The following ZC4H2 variants were observed in gnomAD, a reference collection of about 807,000 sequenced individuals.
The protein encoded by ZC4H2 is zinc finger C4H2-type containing, also known as zinc finger C4H2 domain-containing protein.
For synonymous variants in ZC4H2, 84 were observed against 66.3 expected (o/e 1.27, Z -1.30); for missense variants, 137 against 173.9 (o/e 0.79, Z 1.19).
At chrX:64,932,718 C>T (rs183803207) in intron 1 of ZC4H2, among the ~76,000 whole-genome samples, 1 of 111,670 alleles carries the variant, frequency 9.0e-6, no homozygotes, top group East Asian at 2.8e-4. Flanking sequence ...AAAGCTTCTG[C>T]TGAGAAATCT....
intron 1 of ZC4H2, among the ~76,000 whole-genome samples, chrX:65,006,627 G>A (rs189525827): frequency 1.9e-4 from 21 of 110,856 alleles, no homozygotes; most frequent in African/African-American, 5.9e-4. Flanking sequence ...GTTAATGGGT[G>A]CAGCACACCA....
chrX:64,999,155 C>T (rs1932483800), intron 1 of ZC4H2, among the ~76,000 whole-genome samples: 1 of 106,014 alleles, frequency 9.4e-6, no homozygotes, highest in Admixed American at 1.0e-4. Context: ...GGCAAGATGG[C>T]CGAGCAGGAA....
chrX:64,944,330 A>G (rs780995220), intron 1 of ZC4H2, among the ~76,000 whole-genome samples: 1 of 107,962 alleles, frequency 9.3e-6, no homozygotes, highest in Admixed American at 1.0e-4. Context: ...TTTTTAGTAG[A>G]GACGGGGTTT....
intron 3 of ZC4H2, 188 bp from the exon 4 acceptor site, chrX:64,919,392 CT>C: frequency 2.2e-6 from 1 of 446,228 alleles, no homozygotes; most frequent in Non-Finnish European, 3.7e-6. Flanking sequence ...GGGTAATCCT[CT>C]TTGTCCTTAG....
At chrX:64,989,354 TG>T (rs1932262784) in intron 1 of ZC4H2, among the ~76,000 whole-genome samples, 1 of 112,115 alleles carries the variant, frequency 8.9e-6, no homozygotes, top group Non-Finnish European at 1.9e-5. Flanking sequence ...TCCATGAGCA[TG>T]GAATGTTCTT....
rs1928956829 is a variant in ZC4H2, at chrX:64,916,871, C to A, written c.*912G>T. The stretch of plus-strand genomic sequence containing the variant: ...TCATGTGTAAAGTGATTGGCATTTA[C>A]TCAAATCTAAATCTACTCCTCTCCT... On this transcript the variant is annotated 3_prime_UTR_variant, in exon 5 of 5. Coordinates refer to ENST00000374839, the MANE Select transcript of ZC4H2 (RefSeq NM_018684.4). 8.9e-6 allele frequency: 1 copy of A among 112,236 alleles called. No individual in the cohort carries two copies. Among genetic ancestry groups the A allele is most frequent in the East Asian group, 2.8e-4 (1 of 3,540 alleles). 9.2% of individuals were successfully genotyped at this position (112,236 alleles called of 1,213,427 possible).
At chrX:65,003,868 C>T (rs1932603216) in intron 1 of ZC4H2, among the ~76,000 whole-genome samples, 1 of 104,743 alleles carries the variant, frequency 9.5e-6, no homozygotes, top group African/African-American at 3.5e-5. Context: ...CAGAGTGAAA[C>T]TATGTCTCAA....
chrX:64,968,819 TA>T (rs771850810), intron 1 of ZC4H2, among the ~76,000 whole-genome samples: 1 of 111,246 alleles, frequency 9.0e-6, no homozygotes, highest in African/African-American at 3.3e-5. Flanking sequence ...ACAGACTGGG[TA>T]ATTTGTAAAG....
chrX:64,981,528 A>G (rs960741671), intron 1 of ZC4H2, among the ~76,000 whole-genome samples: 3 of 111,002 alleles, frequency 2.7e-5, no homozygotes, highest in Non-Finnish European at 5.7e-5. Flanking sequence ...GGAGGGCGAG[A>G]TAAGGCATCT....
chrX:65,010,072 G>T (rs942366464), intron 1 of ZC4H2, among the ~76,000 whole-genome samples: 1 of 112,192 alleles, frequency 8.9e-6, no homozygotes, highest in Non-Finnish European at 1.9e-5. Context: ...CTATCTATTA[G>T]CCTAAACTAA....
intron 1 of ZC4H2, among the ~76,000 whole-genome samples, chrX:65,000,065 T>A (rs1229567480): frequency 8.9e-6 from 1 of 112,216 alleles, no homozygotes; most frequent in East Asian, 2.8e-4. Flanking sequence ...GAGCAGCACA[T>A]CTCCAAGCAC....
chrX:64,928,892 C>CTTT (rs554811111), intron 1 of ZC4H2, among the ~76,000 whole-genome samples: 8 of 91,680 alleles, frequency 8.7e-5, no homozygotes, highest in African/African-American at 2.9e-4. Context: ...CTTTCTCCTT[C>CTTT]TTTTTTTTTT....
intron 1 of ZC4H2, among the ~76,000 whole-genome samples, chrX:64,957,734 T>C (rs1489393272): frequency 9.1e-6 from 1 of 109,888 alleles, no homozygotes; most frequent in Non-Finnish European, 1.9e-5. Context: ...TGGTGGTGCA[T>C]GCCTGTGGTC....
chrX:64,977,066 A>G (rs1237518388), upstream of ZC4H2, among the ~76,000 whole-genome samples: 2 of 111,908 alleles, frequency 1.8e-5, no homozygotes, highest in Non-Finnish European at 3.8e-5. Flanking sequence ...AGTCAATGGA[A>G]GAAGTACTGT....
At chrX:64,928,636 CTT>C (rs1569204048) in intron 1 of ZC4H2, among the ~76,000 whole-genome samples, 32 of 44,872 alleles carry the variant, frequency 7.1e-4, no homozygotes, top group African/African-American at 1.6e-3. Context: ...CTTTCTCCTT[CTT>C]CTTCTTCTTC....
In ZC4H2 at chrX:64,972,961, A is replaced by C. The variant is rs939439323; in HGVS notation, c.53+3364T>G. ...ACTGTAAAATTGTCAAAAGCAGTTT[A>C]ATTTAAGTCACTTTTGGAACACACA... On this transcript the variant is annotated intron_variant, in intron 1 of 4. Transcript: ENST00000374839. Among the ~76,000 whole-genome samples, 35 of 112,006 alleles carry C rather than the reference A, an allele frequency of 3.1e-4. 1 individual carries two copies. Among genetic ancestry groups the C allele is most frequent in the Admixed American group, 2.8e-4 (3 of 10,597 alleles).
At chrX:65,003,449 G>A (rs1331878650) in intron 1 of ZC4H2, among the ~76,000 whole-genome samples, 1 of 111,858 alleles carries the variant, frequency 8.9e-6, no homozygotes. Context: ...AACTGAAAGA[G>A]ATAGAGACAC....
In ZC4H2 at chrX:64,986,159, G is replaced by GA. The variant is rs1932181142; in HGVS notation, c.-272+48469dup. On this transcript the variant is annotated intron_variant, in intron 1 of 4. Transcript: ENST00000337990. ...CCAATTTGTCCTTATTTTAAAGACAGAAAAACAGGATAAAAGTAAGCAAGG... is the reference window on the plus strand; with the variant it reads ...CCAATTTGTCCTTATTTTAAAGACAGAAAAAACAGGATAAAAGTAAGCAAGG... 1.8e-5 allele frequency among the ~76,000 whole-genome samples: 2 copies of GA among 112,460 alleles called. 1 individual carries two copies. The highest frequency in any genetic ancestry group is 1.9e-4 in the Admixed American group (2 of 10,644).
chrX:64,949,799 C>T (rs1569212643), intron 1 of ZC4H2, among the ~76,000 whole-genome samples: 1 of 111,388 alleles, frequency 9.0e-6, no homozygotes, highest in African/African-American at 3.3e-5. Context: ...AAAAAACCAG[C>T]TCCTGGATTC....
Sources: gnomAD v4.1 joint callset for allele counts (sites outside exome capture counted in the v4.1 genomes callset) on GRCh38, gnomAD v4.1.1 for gene constraint, MANE v1.5 for transcripts, NCBI Gene and HGNC (gene_info 2026-07-23, HGNC 2026-07-21) for gene names.